Variants in ATP13A3 observed in about 807,000 individuals in gnomAD.
ATP13A3 encodes the protein ATPase 13A3.
A neutral mutation model predicts 158.1 loss-of-function variants in ATP13A3; 59 were observed. The observed-to-expected ratio is 0.37, with a 90% CI of 0.30 to 0.46. ATP13A3 has a LOEUF of 0.46. Among genes scored for constraint, ATP13A3 ranks in the 20% least tolerant of loss-of-function variants. The pLI, the probability that ATP13A3 is intolerant of heterozygous loss-of-function variation, is 1.00. For synonymous variants in ATP13A3, 491 were observed against 504.3 expected (o/e 0.97, Z 0.35); for missense variants, 1,166 against 1,525.2 (o/e 0.76, Z 3.92).
chr3:194,430,244 T>C, intron 25 of ATP13A3, 29 bp downstream of exon 25: 1 of 1,613,496 alleles, frequency 6.2e-7, no homozygotes, highest in Non-Finnish European at 8.5e-7. Context: ...GTAAGAACTA[T>C]AAAACTAAAT....
In ATP13A3 at chr3:194,404,883, A is replaced by C. The variant is rs1158009304; in HGVS notation, c.*1036T>G. On this transcript the variant is annotated 3_prime_UTR_variant, in exon 34 of 34. Transcript: ENST00000645319. ...ATCAAATTCATATTGCTTTGAAAAA[A>C]CGGCAGCCATTCAAATCCAGTATTT... 1 of 152,188 alleles carries C rather than the reference A, an allele frequency of 6.6e-6. No individual in the cohort carries two copies. Among genetic ancestry groups the C allele is most frequent in the Non-Finnish European group, 1.5e-5 (1 of 68,032 alleles). 9.4% of individuals were successfully genotyped at this position (152,188 alleles called of 1,614,324 possible).
upstream of ATP13A3, among the ~76,000 whole-genome samples, chr3:194,491,426 T>G (rs1465191428): frequency 6.6e-6 from 1 of 151,998 alleles, no homozygotes; most frequent in Non-Finnish European, 1.5e-5. Flanking sequence ...CCAAGTCCAT[T>G]TCAAATCCTT....
intron 16 of ATP13A3, among the ~76,000 whole-genome samples, chr3:194,439,178 C>T (rs1255308151): frequency 6.6e-6 from 1 of 152,132 alleles, no homozygotes; most frequent in East Asian, 1.9e-4. Flanking sequence ...GAGTTAGATA[C>T]CTAGCAACCC....
chr3:194,411,700 A>C (rs1316818712), intron 33 of ATP13A3, among the ~76,000 whole-genome samples: 1 of 152,216 alleles, frequency 6.6e-6, no homozygotes, highest in Admixed American at 6.5e-5. Flanking sequence ...GAGAAAGCCA[A>C]AAAGCCACTC....
chr3:194,405,523 C>T lies in ATP13A3; in HGVS notation c.*396G>A, dbSNP rs914002047. 5.9e-6 allele frequency: 1 copy of T among 168,186 alleles called. No individual in the cohort carries two copies. The highest frequency in any genetic ancestry group is 2.4e-5 in the African/African-American group (1 of 41,630). 10.4% of individuals were successfully genotyped at this position (168,186 alleles called of 1,614,324 possible). On this transcript the variant is annotated 3_prime_UTR_variant, in exon 34 of 34. Coordinates refer to ENST00000645319, the MANE Select transcript of ATP13A3 (RefSeq NM_001367549.1). Reference sequence around the variant, plus strand: ...CAAACTTACAGCCTGTATATAAACACAGACTTTTCTAACAAGAGGGTTGTG... The same window carrying T: ...CAAACTTACAGCCTGTATATAAACATAGACTTTTCTAACAAGAGGGTTGTG...
chr3:194,473,657 T>C (rs770237368), intron 2 of ATP13A3, among the ~76,000 whole-genome samples: 1 of 152,164 alleles, frequency 6.6e-6, no homozygotes, highest in South Asian at 2.1e-4. Context: ...TTAAAACCTA[T>C]ACACTTTGAT....
intron 10 of ATP13A3, chr3:194,452,946 A>G (rs944904229): frequency 6.6e-6 from 1 of 152,200 alleles, no homozygotes; most frequent in African/African-American, 2.4e-5. Context: ...TAGAAGAAAA[A>G]TACAATTTTA....
At chr3:194,449,164 A>G (rs1424070563) in intron 11 of ATP13A3, among the ~76,000 whole-genome samples, 4 of 152,084 alleles carry the variant, frequency 2.6e-5, no homozygotes, top group Non-Finnish European at 4.4e-5. Context: ...AACAACCACA[A>G]ACAGCCAAAT....
chr3:194,471,640 T>C (rs1194284386), intron 2 of ATP13A3, among the ~76,000 whole-genome samples: 1 of 152,160 alleles, frequency 6.6e-6, no homozygotes, highest in Non-Finnish European at 1.5e-5. Flanking sequence ...AGGCGTGAGC[T>C]ACCACGCCCA....
At chr3:194,432,164 G>GATACGGCGAC in intron 21 of ATP13A3, 1 of 363,660 alleles carries the variant, frequency 2.7e-6, no homozygotes, top group Non-Finnish European at 4.9e-6. Flanking sequence ...TTCCAGTCAT[G>GATACGGCGAC]CACTATTTGT....
chr3:194,454,576 C>G (rs1243786653), intron 8 of ATP13A3, among the ~76,000 whole-genome samples, 184 bp from the exon 9 acceptor site: 7 of 152,280 alleles, frequency 4.6e-5, no homozygotes, highest in Non-Finnish European at 8.8e-5. Flanking sequence ...CGCCTGTAAT[C>G]CCAGCACTTT....
intron 31 of ATP13A3, among the ~76,000 whole-genome samples, chr3:194,414,431 C>A (rs1715663683): frequency 6.7e-6 from 1 of 150,254 alleles, no homozygotes; most frequent in Admixed American, 6.6e-5. Flanking sequence ...CCACTGTACT[C>A]CAGCGTGGGT....
At chr3:194,428,760 T>C (rs1189023468) in intron 28 of ATP13A3, 85 bp downstream of exon 28, 3 of 906,514 alleles carry the variant, frequency 3.3e-6, no homozygotes, top group South Asian at 3.1e-5. Flanking sequence ...TATGTTACAA[T>C]TGTTGATGTA....
Position 194,433,852 on chromosome 3 carries a change from A to G in ATP13A3, c.2165T>C (p.Met722Thr). Residue 722 changes from methionine (M) to threonine (T), a missense_variant, in exon 21 of 34, where the codon ATG becomes ACG. By Grantham distance (81) the Met-to-Thr change is moderately conservative (BLOSUM62 -1). Transcript: ENST00000645319. ...GGTTTCTTGCTTTAATTTGTTCTGC[A>G]TTATAATTAATCCCATAAAATCCAT... ...NNMDFMGLII[M>T]QNKLKQETPA... The G allele has an allele frequency of 6.2e-7, 1 of 1,613,918 alleles. No individual in the cohort carries two copies. The highest frequency in any genetic ancestry group is 8.5e-7 in the Non-Finnish European group (1 of 1,179,812).
intron 6 of ATP13A3, among the ~76,000 whole-genome samples, chr3:194,458,628 T>TCCGC (rs1719420310): frequency 6.6e-6 from 1 of 152,162 alleles, no homozygotes. Context: ...CCTCAGGTGA[T>TCCGC]CCGCCCGCCT....
intron 10 of ATP13A3, chr3:194,452,215 G>A (rs894065489): frequency 1.4e-4 from 21 of 152,302 alleles, no homozygotes; most frequent in African/African-American, 5.1e-4. Context: ...TTAGCTGGGT[G>A]TGATGGTGTG....
intron 33 of ATP13A3, among the ~76,000 whole-genome samples, chr3:194,411,323 G>A (rs1715411347): frequency 6.6e-6 from 1 of 152,172 alleles, no homozygotes; most frequent in African/African-American, 2.4e-5. Flanking sequence ...GCTCAAGGCT[G>A]AGTGAAAGAC....
At chr3:194,456,146 T>C (rs1044969097) in intron 7 of ATP13A3, among the ~76,000 whole-genome samples, 184 bp from the exon 8 acceptor site, 2 of 152,112 alleles carry the variant, frequency 1.3e-5, no homozygotes, top group Non-Finnish European at 2.9e-5. Context: ...AGTAGATACC[T>C]ATACTGGTAG....
At chr3:194,406,263 T>C (rs886636263) in intron 33 of ATP13A3, 147 bp from the exon 34 acceptor site, 1 of 925,170 alleles carries the variant, frequency 1.1e-6, no homozygotes, top group East Asian at 2.7e-5. Flanking sequence ...AAAAAATCCA[T>C]GTTAAAAAAA....
Sources: allele counts gnomAD v4.1 joint callset (sites outside exome capture counted in the v4.1 genomes callset), GRCh38; gene constraint gnomAD v4.1.1; transcripts MANE v1.5; gene names NCBI Gene and HGNC (gene_info 2026-07-23, HGNC 2026-07-21).